KLRK1: variants seen among roughly 807,000 people sequenced by gnomAD.
KLRK1 encodes the protein NKG2-D type II integral membrane protein.
KLRK1 carries 40 observed loss-of-function variants against 31.3 expected under a neutral mutation model. The ratio of observed to expected loss-of-function variants is 1.28; its 90% CI spans 0.99 to 1.67. KLRK1 has a LOEUF of 1.67. Ranked by LOEUF, KLRK1 falls within the 40% of genes most tolerant of loss-of-function variation. The probability of loss-of-function intolerance (pLI) is 0.00; values close to 1 mark genes in which losing one functional copy is unlikely to be tolerated. For synonymous variants in KLRK1, 77 were observed against 77.3 expected, an observed-to-expected ratio of 1.00 and a Z score of 0.02; for missense variants, 251 against 260.0, an observed-to-expected ratio of 0.97 and a Z score of 0.24.
At position 10,375,994 on chromosome 12, in the gene KLRK1, T is replaced by G. The variant is rs564784887; in HGVS notation, c.533+2138A>C. Among the ~76,000 whole-genome samples the G allele has an allele frequency of 2.0e-5, 3 of 152,168 alleles. No individual in the cohort carries two copies. In the South Asian group the frequency reaches 6.2e-4, roughly 32 times the overall value. ...CGGACACAGAAATGGAGATAAGAGA[T>G]TTGAAGAAATAAAGAAATGTAAAGA... On this transcript the variant is annotated intron_variant, in intron 7 of 7. Transcript: ENST00000240618.
chr12:10,378,847 T>G, intron 5 of KLRK1, 142 bp from the exon 6 acceptor site: 1 of 1,010,864 alleles, frequency 9.9e-7, no homozygotes, highest in Non-Finnish European at 1.4e-6. Flanking sequence ...AAGGCATATC[T>G]CTACATATTC....
chr12:10,373,587 T>TG (rs1364010859), intron 7 of KLRK1, among the ~76,000 whole-genome samples: 1 of 152,224 alleles, frequency 6.6e-6, no homozygotes, highest in African/African-American at 2.4e-5. Context: ...CTGTGTTTTG[T>TG]GGAAAAATAA....
chr12:10,376,786 A>G (rs1862974306), intron 7 of KLRK1, among the ~76,000 whole-genome samples: 1 of 148,758 alleles, frequency 6.7e-6, no homozygotes, highest in Non-Finnish European at 1.5e-5. Flanking sequence ...ACCAAAACAC[A>G]TCATTTAGTG....
intron 3 of KLRK1, among the ~76,000 whole-genome samples, chr12:10,383,133 T>C (rs1246755108): frequency 2.6e-5 from 4 of 151,934 alleles, no homozygotes; most frequent in Non-Finnish European, 5.9e-5. Flanking sequence ...AAAATGGCAA[T>C]AGTAAGTTCT....
chr12:10,375,741 G>A (rs1221796897), intron 7 of KLRK1, among the ~76,000 whole-genome samples: 1 of 152,222 alleles, frequency 6.6e-6, no homozygotes, highest in African/African-American at 2.4e-5. Flanking sequence ...ACTGAACAGT[G>A]TAGTGACAGG....
intron 7 of KLRK1, among the ~76,000 whole-genome samples, chr12:10,376,974 G>A (rs919443712): frequency 1.1e-4 from 16 of 152,086 alleles, no homozygotes; most frequent in African/African-American, 3.4e-4. Context: ...CTGCCACCCC[G>A]TCCAGCTAAT....
chr12:10,387,047 C>T, intron 2 of KLRK1, 37 bp from the exon 3 acceptor site: 1 of 1,533,116 alleles, frequency 6.5e-7, no homozygotes, highest in Non-Finnish European at 8.9e-7. Context: ...TGAGTCATGG[C>T]CTTTCTGCCA....
At position 10,378,115 on chromosome 12, in the gene KLRK1, T is replaced by C. The variant is rs1565491797; in HGVS notation, c.533+17A>G. 2 of 1,603,666 alleles carry C rather than the reference T, an allele frequency of 1.2e-6. No homozygotes were observed. Among genetic ancestry groups the C allele is most frequent in the Admixed American group, 1.8e-5 (1 of 57,096 alleles). On this transcript the variant is annotated intron_variant, in intron 7 of 7. Transcript: ENST00000240618. The stretch of plus-strand genomic sequence containing the variant: ...AAAAAAATTAAAAAGAAGAGACTCA[T>C]TGGGTCAGAGACTTACAGGTTGGGT...
chr12:10,386,789 C>A, intron 3 of KLRK1, 114 bp downstream of exon 3: 1 of 556,420 alleles, frequency 1.8e-6, no homozygotes, highest in Non-Finnish European at 2.9e-6. Context: ...TCATGTTATT[C>A]CTGCTTTCCT....
chr12:10,381,685 T>G (rs1863078037), intron 3 of KLRK1: 1 of 152,072 alleles, frequency 6.6e-6, no homozygotes, highest in Non-Finnish European at 1.5e-5. Flanking sequence ...AACATCAAAT[T>G]AAATAATTAT....
chr12:10,376,383 A>T (rs1319840561), intron 7 of KLRK1, among the ~76,000 whole-genome samples: 1 of 152,210 alleles, frequency 6.6e-6, no homozygotes, highest in Non-Finnish European at 1.5e-5. Context: ...TCAATAATAA[A>T]AATGTCTGAA....
At position 10,378,689 on chromosome 12, in the gene KLRK1, T is replaced by C. The variant is rs1863011099; in HGVS notation, c.294A>G (p.Pro98=). Residue 98 remains proline (P), a synonymous_variant, in exon 6 of 8, where the codon CCA becomes CCG. Coordinates refer to ENST00000240618, the MANE Select transcript of KLRK1 (RefSeq NM_007360.4). ...QIPLTESYCG[P]CPKNWICYKN... is the part of the protein sequence containing the mutation. ...TGTAACATATCCAGTTTTTAGGACATGGGCCACAGTAACTTTCTGGAAAAG... is the reference window on the plus strand; with the variant it reads ...TGTAACATATCCAGTTTTTAGGACACGGGCCACAGTAACTTTCTGGAAAAG... 6.3e-7 allele frequency: 1 copy of C among 1,599,750 alleles called. No individual in the cohort carries two copies. Among genetic ancestry groups the C allele is most frequent in the African/African-American group, 1.4e-5 (1 of 73,572 alleles).
intron 7 of KLRK1, among the ~76,000 whole-genome samples, chr12:10,374,501 T>G (rs575271287): frequency 4.5e-4 from 68 of 151,710 alleles, no homozygotes; most frequent in African/African-American, 1.6e-3. Context: ...CAAGCAATTC[T>G]GCTGCCCCTC....
rs774130083 is a variant in KLRK1 at position 10,379,456 on chromosome 12, G to T, written c.268C>A (p.Pro90Thr). The change falls in exon 5 of 8, where the codon CCC (proline) becomes ACC (threonine). Residue 90 changes from proline to threonine, a missense_variant. Coordinates refer to ENST00000240618, the MANE Select transcript of KLRK1 (RefSeq NM_007360.4). The stretch of plus-strand genomic sequence containing the variant: ...TTAAAAATTCACTTACCGGTCAAGG[G>T]AATTTGAACTTCTTGGTTGAATAAT... ...NSLFNQEVQIPLTESYCGPCP... is the reference protein window; with the variant it reads ...NSLFNQEVQITLTESYCGPCP... The T allele has an allele frequency of 2.0e-6, 3 of 1,467,514 alleles. No homozygotes were observed. The highest frequency in any genetic ancestry group is 2.5e-5 in the South Asian group (2 of 78,668). 90.9% of individuals were successfully genotyped at this position (1,467,514 alleles called of 1,614,324 possible).
intron 7 of KLRK1, among the ~76,000 whole-genome samples, chr12:10,376,445 A>G (rs1017973257): frequency 6.6e-6 from 1 of 152,218 alleles, no homozygotes; most frequent in African/African-American, 2.4e-5. Context: ...TCAATGAATC[A>G]AAGAATGCAA....
intron 6 of KLRK1, 110 bp from the exon 7 acceptor site, chr12:10,378,345 G>A (rs1863004230): frequency 7.5e-7 from 1 of 1,329,506 alleles, no homozygotes; most frequent in Non-Finnish European, 1.0e-6. Context: ...AATGCATTCT[G>A]TCCACTAACT....
rs372870033 is a variant in KLRK1, at chr12:10,375,847, A to G, written c.533+2285T>C. 9.2e-5 allele frequency among the ~76,000 whole-genome samples: 14 copies of G among 152,198 alleles called. No homozygotes were observed. The East Asian group carries it at 2.5e-3, about 27-fold the overall frequency. ...ATTCATAAGATCAGTGAACATTAAG[A>G]TGTTGTCACTTAGTCTGGGTGTGCT... On this transcript the variant is annotated intron_variant, in intron 7 of 7. Coordinates refer to ENST00000240618, the MANE Select transcript of KLRK1 (RefSeq NM_007360.4).
intron 7 of KLRK1, 46 bp from the exon 8 acceptor site, chr12:10,373,277 C>G (rs202071968): frequency 4.0e-6 from 6 of 1,484,036 alleles, no homozygotes; most frequent in Non-Finnish European, 5.4e-6. Context: ...TTTATTAACG[C>G]GGGAAAATAA....
At chr12:10,387,173 T>C (rs1421151531) in intron 2 of KLRK1, among the ~76,000 whole-genome samples, 163 bp from the exon 3 acceptor site, 1 of 152,244 alleles carries the variant, frequency 6.6e-6, no homozygotes, top group Non-Finnish European at 1.5e-5. Context: ...TACATTATTA[T>C]GTTTACACTT....
Sources: allele counts gnomAD v4.1 joint callset (sites outside exome capture counted in the v4.1 genomes callset), GRCh38; gene constraint gnomAD v4.1.1; transcripts MANE v1.5; gene names NCBI Gene and HGNC (gene_info 2026-07-23, HGNC 2026-07-21).